MAP4K2: variants seen among roughly 807,000 people sequenced by gnomAD.
MAP4K2 encodes the protein mitogen-activated protein kinase kinase kinase kinase 2, also known as B lymphocyte serine/threonine protein kinase.
MAP4K2 carries 85 observed loss-of-function variants against 125.3 expected under a neutral mutation model. The observed-to-expected ratio is 0.68, with a 90% CI of 0.57 to 0.81. The LOEUF (loss-of-function observed/expected upper bound fraction) is 0.81, where lower values mean the gene tolerates loss of function less well. Among genes scored for constraint, MAP4K2 ranks in the 40% least tolerant of loss-of-function variants. The probability of loss-of-function intolerance (pLI) is 0.00; values close to 1 mark genes in which losing one functional copy is unlikely to be tolerated. For missense variants in MAP4K2, 923 were observed against 1,056.4 expected (o/e 0.87, Z 1.75); for synonymous variants, 479 against 445.1 (o/e 1.08, Z -0.96).
In MAP4K2 at chr11:64,798,897, C is replaced by T. The variant is rs960083436; in HGVS notation, c.1054-60G>A. On this transcript the variant is annotated intron_variant, in intron 14 of 31. Coordinates refer to ENST00000294066, the MANE Select transcript of MAP4K2 (RefSeq NM_004579.5). ...CAGAGACAGATGCAACGTGAGAGGG[C>T]GCTCAAGAGATTCAGGAAAGGAAAG... The T allele has an allele frequency of 3.1e-5, 43 of 1,398,916 alleles. No individual in the cohort carries two copies. In the South Asian group the frequency reaches 3.7e-4, roughly 12 times the overall value. 86.7% of individuals were successfully genotyped at this position (1,398,916 alleles called of 1,614,324 possible).
At position 64,789,793 on chromosome 11, in the gene MAP4K2, GACA is replaced by G. The variant is rs766290220; in HGVS notation, c.2320-11_2320-9del. ...TGTGATCTCCTGGGTCACCTGGGAA[GACA>G]GGTGGGAAGCACTGAGGCCACTCCA... On this transcript the variant is annotated splice_polypyrimidine_tract_variant and intron_variant, in intron 30 of 31. Transcript: ENST00000294066. The G allele has an allele frequency of 1.2e-6, 2 of 1,614,000 alleles. No homozygotes were observed. The highest frequency in any genetic ancestry group is 2.7e-5 in the African/African-American group (2 of 74,930).
Position 64,790,282 on chromosome 11 carries a change from G to C in MAP4K2, c.2162-8C>G. ...TGACAATCCTCACACAGCCTGCACA[G>C]GGAAGGAATTGGTGAGTGGGGACGG... On this transcript the variant is annotated splice_polypyrimidine_tract_variant and splice_region_variant and intron_variant, in intron 28 of 31. Coordinates refer to ENST00000294066, the MANE Select transcript of MAP4K2 (RefSeq NM_004579.5). 6.2e-7 allele frequency: 1 copy of C among 1,614,126 alleles called. No homozygotes were observed. Among genetic ancestry groups the C allele is most frequent in the Non-Finnish European group, 8.5e-7 (1 of 1,179,986 alleles).
chr11:64,792,427 A>G lies in MAP4K2; in HGVS notation c.1752-5T>C. ...TTGGTGGACAGAGCAAAGCGCCTGTAGGGGTGATAACCAGGGCCTGTGTCT... is the reference window on the plus strand; with the variant it reads ...TTGGTGGACAGAGCAAAGCGCCTGTGGGGGTGATAACCAGGGCCTGTGTCT... On this transcript the variant is annotated splice_polypyrimidine_tract_variant and splice_region_variant and intron_variant, in intron 24 of 31. Transcript: ENST00000294066. 6.4e-7 allele frequency: 1 copy of G among 1,574,190 alleles called. No individual in the cohort carries two copies. Among genetic ancestry groups the G allele is most frequent in the South Asian group, 1.2e-5 (1 of 86,172 alleles).
intron 24 of MAP4K2, among the ~76,000 whole-genome samples, chr11:64,795,526 G>C (rs556183501): frequency 1.3e-5 from 2 of 151,824 alleles, no homozygotes; most frequent in Non-Finnish European, 2.9e-5. Context: ...TCAGCCTCCC[G>C]AGTAGCTGGG....
rs776237134 is a variant in MAP4K2 at position 64,792,299 on chromosome 11, C to T, written c.1811-24G>A. 6.3e-6 allele frequency: 10 copies of T among 1,598,240 alleles called. No individual in the cohort carries two copies. In the African/African-American group the frequency reaches 1.1e-4, roughly 17 times the overall value. On this transcript the variant is annotated intron_variant, in intron 25 of 31. Transcript: ENST00000294066. ...CACTGGCAGGGGAGCAGGCAGTGGG[C>T]ACCGGGCTGGGCCTGCGCTGCCCCC... is the stretch of plus-strand genomic sequence containing the variant.
At chr11:64,795,686 G>GC (rs1007918388) in intron 24 of MAP4K2, among the ~76,000 whole-genome samples, 5 of 152,054 alleles carry the variant, frequency 3.3e-5, no homozygotes, top group South Asian at 2.1e-4. Context: ...ACAGGCGTGA[G>GC]CCCCCCCGCC....
At position 64,790,333 on chromosome 11, in the gene MAP4K2, C is replaced by A. The variant is rs114846214; in HGVS notation, c.2162-59G>T. On this transcript the variant is annotated intron_variant, in intron 28 of 31. Transcript: ENST00000294066. ...GGAGGCTCCCTTCTGGGAAGGCAGACCCACGTGGTCGCCTTACCTCCATAG... is the reference window on the plus strand; with the variant it reads ...GGAGGCTCCCTTCTGGGAAGGCAGAACCACGTGGTCGCCTTACCTCCATAG... The A allele has an allele frequency of 1.2e-3, 1,939 of 1,612,816 alleles. 20 individuals carry two copies. The African/African-American group carries it at 0.022, about 18-fold the overall frequency.
rs1592611923 is a variant in MAP4K2, at chr11:64,802,048, C to T, written c.366+18G>A. Reference sequence around the variant, plus strand: ...CTTCTGGAGACCAGAGGTGTGGGCACCTCACAGGCCCAGCTACCTTCAGTG... The same window carrying T: ...CTTCTGGAGACCAGAGGTGTGGGCATCTCACAGGCCCAGCTACCTTCAGTG... On this transcript the variant is annotated intron_variant, in intron 5 of 31. Coordinates refer to ENST00000294066, the MANE Select transcript of MAP4K2 (RefSeq NM_004579.5). 1 of 1,609,862 alleles carries T rather than the reference C, an allele frequency of 6.2e-7. No individual in the cohort carries two copies. The highest frequency in any genetic ancestry group is 8.5e-7 in the Non-Finnish European group (1 of 1,178,958).
Position 64,792,210 on chromosome 11 carries a change from G to T in MAP4K2, c.1876C>A (p.Gln626Lys). ...AACTTCTGCAGCGGCTCATACCACT[G>T]CAGCAGGAGCAGGCTGGTGGGCAGG... The part of the protein sequence containing the change: ...AALPTSLLLL[Q>K]WYEPLQKFLL... Residue 626 changes from glutamine (Q) to lysine (K), a missense_variant, in exon 26 of 32, where the codon CAG becomes AAG. This residue lies in a region of MAP4K2 where 833 missense variants were observed against 911.4 expected (regional missense o/e 0.91). Transcript: ENST00000294066. 1 of 1,612,404 alleles carries T rather than the reference G, an allele frequency of 6.2e-7. No homozygotes were observed.
Position 64,792,354 on chromosome 11 carries a change from C to CCCCCCCCT in MAP4K2, c.1810+9_1810+10insAGGGGGGG. On this transcript the variant is annotated intron_variant, in intron 25 of 31. Transcript: ENST00000294066. ...AGGCCCCGCCCCACCCCGCCCAGCC[C>CCCCCCCCT]ATTTCTTACCCACACGACACTGCAA... The CCCCCCCCT allele has an allele frequency of 1.3e-6, 2 of 1,531,690 alleles. No homozygotes were observed. The highest frequency in any genetic ancestry group is 1.8e-5 in the Admixed American group (1 of 54,324). The allele number at this position is 1,531,690 out of a possible 1,614,324, so 94.9% of individuals were successfully genotyped here.
Position 64,802,665 on chromosome 11 carries a change from A to C in MAP4K2, c.155-12T>G. 1 of 1,611,214 alleles carries C rather than the reference A, an allele frequency of 6.2e-7. No homozygotes were observed. Among genetic ancestry groups the C allele is most frequent in the East Asian group, 2.2e-5 (1 of 44,828 alleles). On this transcript the variant is annotated splice_polypyrimidine_tract_variant and intron_variant, in intron 2 of 31. Coordinates refer to ENST00000294066, the MANE Select transcript of MAP4K2 (RefSeq NM_004579.5). The stretch of plus-strand genomic sequence containing the variant: ...GCTGATGTCGTCCCCTGGGAAGCAC[A>C]AAGCATCATGGGGAAGGCGCGCTGG...
In MAP4K2 at chr11:64,785,122, A is replaced by T. The variant is rs1940176627; in HGVS notation, c.*4415T>A. ...CTAAGCAAGAAGCCAGACAAAACAC[A>T]AGTACATACTGTGTGATTCTATTTA... On this transcript the variant is annotated 3_prime_UTR_variant, in exon 32 of 32. Coordinates refer to ENST00000294066, the MANE Select transcript of MAP4K2 (RefSeq NM_004579.5). 1 of 152,244 alleles carries T rather than the reference A, an allele frequency of 6.6e-6. No homozygotes were observed. The highest frequency in any genetic ancestry group is 1.5e-5 in the Non-Finnish European group (1 of 68,042). 9.4% of individuals were successfully genotyped at this position (152,244 alleles called of 1,614,324 possible).
chr11:64,792,149 G>T, intron 26 of MAP4K2, 23 bp downstream of exon 26: 1 of 1,593,478 alleles, frequency 6.3e-7, no homozygotes, highest in Non-Finnish European at 8.5e-7. Flanking sequence ...GGGTGCCCTG[G>T]GCCTCCCCCC....
chr11:64,792,146 C>T, intron 26 of MAP4K2, 26 bp downstream of exon 26: 1 of 1,591,866 alleles, frequency 6.3e-7, no homozygotes, highest in Non-Finnish European at 8.6e-7. Context: ...TGAGGGTGCC[C>T]TGGGCCTCCC....
chr11:64,799,318 C>A (rs1461254981), intron 14 of MAP4K2, 103 bp downstream of exon 14: 1 of 1,434,924 alleles, frequency 7.0e-7, no homozygotes, highest in East Asian at 2.3e-5. Flanking sequence ...AGGCCCGAGG[C>A]CACCCAGCTT....
intron 6 of MAP4K2, 36 bp from the exon 7 acceptor site, chr11:64,801,657 C>A: frequency 6.2e-7 from 1 of 1,613,818 alleles, no homozygotes; most frequent in Non-Finnish European, 8.5e-7. Flanking sequence ...CCATCTGGTG[C>A]CCCCGAGGGC....
At position 64,803,157 on chromosome 11, in the gene MAP4K2, C is replaced by T. The variant is rs1941352915; in HGVS notation, c.-8G>A. On this transcript the variant is annotated 5_prime_UTR_variant, in exon 1 of 32. Transcript: ENST00000294066. ...ATCCCGCAGCAGCGCCATGGCCCGG[C>T]GCCGGGCGGGCCGGCAGGCGGGCGG... The T allele has an allele frequency of 3.9e-6, 5 of 1,285,922 alleles. No individual in the cohort carries two copies. The highest frequency in any genetic ancestry group is 2.1e-5 in the South Asian group (1 of 46,584). 79.7% of individuals were successfully genotyped at this position (1,285,922 alleles called of 1,614,324 possible).
Position 64,797,780 on chromosome 11 carries a change from A to C in MAP4K2, c.1098-116T>G, listed in dbSNP as rs1003014699. The C allele has an allele frequency of 1.0e-5, 10 of 1,003,784 alleles. No homozygotes were observed. In the East Asian group the frequency reaches 2.6e-4, roughly 26 times the overall value. The allele number at this position is 1,003,784 out of a possible 1,614,324, so 62.2% of individuals were successfully genotyped here. A position where few individuals can be genotyped will look rare whatever the true frequency, so the allele number is the denominator to read the frequency against. On this transcript the variant is annotated intron_variant, in intron 15 of 31. Transcript: ENST00000294066. ...GAGTGCAGTGGCGCAATCGCGGCTC[A>C]CTGCAAGCTCCGCCCCCCAAGTTCA...
chr11:64,796,462 A>G (rs483544), intron 23 of MAP4K2, 31 bp downstream of exon 23: 1,613,141 of 1,613,842 alleles, frequency 1, 806,221 homozygotes, highest in East Asian at 1. Flanking sequence ...GCCCCTGCGG[A>G]CCCTGCCTCC....
Sources: allele counts gnomAD v4.1 joint callset (sites outside exome capture counted in the v4.1 genomes callset), GRCh38; gene constraint gnomAD v4.1.1; regional missense constraint gnomAD v4.1.1; transcripts MANE v1.5; gene names NCBI Gene and HGNC (gene_info 2026-07-23, HGNC 2026-07-21).